JAKMIP1: variants seen among roughly 807,000 people sequenced by gnomAD.
JAKMIP1 encodes janus kinase and microtubule interacting protein 1.
In JAKMIP1, 33 loss-of-function variants were observed where a neutral mutation model predicts 113.0. The ratio of observed to expected loss-of-function variants is 0.29; its 90% CI spans 0.22 to 0.39. JAKMIP1 has a LOEUF of 0.39. Among genes scored for constraint, JAKMIP1 ranks in the 10% least tolerant of loss-of-function variants. JAKMIP1 has a pLI of 1.00. For missense variants in JAKMIP1, 813 were observed against 1,080.5 expected (o/e 0.75, Z 3.47); for synonymous variants, 480 against 459.9 (o/e 1.04, Z -0.56).
intron 1 of JAKMIP1, among the ~76,000 whole-genome samples, chr4:6,123,817 C>A (rs78713914): frequency 6.6e-6 from 1 of 152,154 alleles, no homozygotes; most frequent in African/African-American, 2.4e-5. Flanking sequence ...CAGTGACACC[C>A]TGTCCCTAAA....
rs1383376856 is a variant in JAKMIP1 at position 6,076,164 on chromosome 4, G to A, written c.1302+2775C>T. On this transcript the variant is annotated intron_variant, in intron 8 of 20. Transcript: ENST00000409021. This position sits in a 1 kb window ranked among gnomAD's most constrained non-coding sequence, Gnocchi z 4.8. ...GCACTCCAGCCCAGGCAACAAGAGC[G>A]AAACTCCATCTCAAAAAAAATTAGT... 2.0e-5 allele frequency among the ~76,000 whole-genome samples: 3 copies of A among 151,966 alleles called. No individual in the cohort carries two copies. The highest frequency in any genetic ancestry group is 2.4e-5 in the African/African-American group (1 of 41,384).
chr4:6,078,874 C>A, intron 8 of JAKMIP1, 65 bp downstream of exon 8: 1 of 1,538,844 alleles, frequency 6.5e-7, no homozygotes, highest in East Asian at 2.2e-5. Flanking sequence ...CACTCCACGA[C>A]CCATCTGCCC....
Position 6,050,694 on chromosome 4 carries a change from C to G in JAKMIP1, c.1807-15G>C, listed in dbSNP as rs759171820. On this transcript the variant is annotated splice_polypyrimidine_tract_variant and intron_variant, in intron 13 of 20. Coordinates refer to ENST00000409021, the MANE Select transcript of JAKMIP1 (RefSeq NM_001099433.2). This position sits in a 1 kb window ranked among gnomAD's most constrained non-coding sequence, Gnocchi z 7.4. ...CTCTCTCTCTCCTGGGGAAAAGATT[C>G]GGTTTAAAAACAGAATGTGACCGGA... 5 of 1,541,176 alleles carry G rather than the reference C, an allele frequency of 3.2e-6. No homozygotes were observed. The highest frequency in any genetic ancestry group is 4.4e-6 in the Non-Finnish European group (5 of 1,137,264).
chr4:6,030,908 C>T (rs1369919808), intron 19 of JAKMIP1, among the ~76,000 whole-genome samples: 1 of 152,192 alleles, frequency 6.6e-6, no homozygotes, highest in Admixed American at 6.5e-5. Context: ...GAAAGTTGCA[C>T]TCCAGCATGC....
At chr4:6,028,990 C>T (rs527513465) in intron 20 of JAKMIP1, among the ~76,000 whole-genome samples, 1 of 152,342 alleles carries the variant, frequency 6.6e-6, no homozygotes, top group South Asian at 2.1e-4. Context: ...GGACTCACAG[C>T]CATCCGGTGG....
At chr4:6,119,063 G>A (rs866491151) in intron 1 of JAKMIP1, among the ~76,000 whole-genome samples, 1 of 152,148 alleles carries the variant, frequency 6.6e-6, no homozygotes, top group Non-Finnish European at 1.5e-5. Flanking sequence ...CAGGACAGCC[G>A]ACAGCCACCC....
intron 18 of JAKMIP1, among the ~76,000 whole-genome samples, chr4:6,037,818 G>A (rs1237133767): frequency 2.9e-4 from 34 of 118,546 alleles, no homozygotes; most frequent in South Asian, 2.2e-3. Flanking sequence ...GAGGCTAACC[G>A]GTAGCCCTCC....
At chr4:6,062,287 G>A (rs202157977) in intron 10 of JAKMIP1, 25 bp downstream of exon 10, 142 of 1,611,038 alleles carry the variant, frequency 8.8e-5, no homozygotes, top group Non-Finnish European at 1.1e-4. Flanking sequence ...CCCCTCCCTC[G>A]AGCCCTGAGG....
chr4:6,117,091 TC>T (rs1419189226), intron 1 of JAKMIP1, among the ~76,000 whole-genome samples: 1 of 152,128 alleles, frequency 6.6e-6, no homozygotes, highest in Non-Finnish European at 1.5e-5. Flanking sequence ...ACAGCACAGC[TC>T]GTGTGCCCGT....
intron 1 of JAKMIP1, among the ~76,000 whole-genome samples, chr4:6,115,659 A>G (rs1040826332): frequency 6.6e-6 from 1 of 152,214 alleles, no homozygotes; most frequent in African/African-American, 2.4e-5. Flanking sequence ...GGTAAGTACA[A>G]TGTTCTACTT....
Position 6,193,980 on chromosome 4 carries a change from G to C in JAKMIP1, c.-148+6273C>G, listed in dbSNP as rs1302675897. Among the ~76,000 whole-genome samples the C allele has an allele frequency of 2.6e-5, 4 of 152,160 alleles. No individual in the cohort carries two copies. The highest frequency in any genetic ancestry group is 7.2e-5 in the African/African-American group (3 of 41,434). On this transcript the variant is annotated intron_variant, in intron 1 of 20. Transcript: ENST00000409021. The surrounding 1 kb of genome is among the most constrained non-coding windows in gnomAD (Gnocchi z 6.4). Reference sequence around the variant, plus strand: ...CCGCCATGAAGAAGAAGGAAGCAATGACACTTGATGACACTTGCTATAACA... The same window carrying C: ...CCGCCATGAAGAAGAAGGAAGCAATCACACTTGATGACACTTGCTATAACA...
intron 3 of JAKMIP1, among the ~76,000 whole-genome samples, chr4:6,103,715 A>G (rs1578241793): frequency 6.6e-6 from 1 of 152,230 alleles, no homozygotes; most frequent in South Asian, 2.1e-4. Context: ...TATTTGTTTC[A>G]TGTCAGTTTT....
rs1292877192 is a variant in JAKMIP1, at chr4:6,137,143, C to A, written c.-147-24146G>T. On this transcript the variant is annotated intron_variant, in intron 1 of 20. Transcript: ENST00000409021. The surrounding 1 kb of genome is among the most constrained non-coding windows in gnomAD (Gnocchi z 4.5). ...CCCTCCCTATTTTCATGGTAAGGTGCTGCATGCTCCCTTGCCTTGCAGAGC... is the reference window on the plus strand; with the variant it reads ...CCCTCCCTATTTTCATGGTAAGGTGATGCATGCTCCCTTGCCTTGCAGAGC... Among the ~76,000 whole-genome samples the A allele has an allele frequency of 1.3e-5, 2 of 152,164 alleles. No individual in the cohort carries two copies. The highest frequency in any genetic ancestry group is 4.8e-5 in the African/African-American group (2 of 41,436).
intron 8 of JAKMIP1, among the ~76,000 whole-genome samples, chr4:6,078,439 C>T (rs925862261): frequency 2.1e-5 from 3 of 144,532 alleles, no homozygotes; most frequent in Non-Finnish European, 1.5e-5. Context: ...CCAGTGCGCT[C>T]TTTACATTCC....
chr4:6,070,662 C>T (rs1403955283), intron 8 of JAKMIP1, among the ~76,000 whole-genome samples: 1 of 152,234 alleles, frequency 6.6e-6, no homozygotes, highest in Non-Finnish European at 1.5e-5. Context: ...TAGATTCTCC[C>T]TCAGGACCCA....
intron 1 of JAKMIP1, among the ~76,000 whole-genome samples, chr4:6,120,180 C>CT (rs11370537): frequency 0.61 from 89,872 of 146,584 alleles, 27,892 homozygotes; most frequent in Middle Eastern, 0.75. Context: ...TCTAGCCACA[C>CT]TTTTTTTTTT....
At position 6,067,749 on chromosome 4, in the gene JAKMIP1, C is replaced by T. The variant is rs1051987774; in HGVS notation, c.1303-2741G>A. Among the ~76,000 whole-genome samples the T allele has an allele frequency of 2.7e-5, 4 of 148,208 alleles. No homozygotes were observed. Among genetic ancestry groups the T allele is most frequent in the African/African-American group, 5.1e-5 (2 of 39,320 alleles). On this transcript the variant is annotated intron_variant, in intron 8 of 20. Transcript: ENST00000409021. The surrounding 1 kb of genome is among the most constrained non-coding windows in gnomAD (Gnocchi z 4.6). ...ACGTTCACTCAAGCTCTTCTGCACA[C>T]GCAGGTCACCCCCCTGAGCTCCACG... is the stretch of plus-strand genomic sequence containing the variant.
chr4:6,130,810 G>A (rs758441854), intron 1 of JAKMIP1, among the ~76,000 whole-genome samples: 4 of 151,858 alleles, frequency 2.6e-5, no homozygotes, highest in Non-Finnish European at 4.4e-5. Context: ...TTCAACATAC[G>A]TCAATAGAAT....
intron 8 of JAKMIP1, among the ~76,000 whole-genome samples, chr4:6,075,427 C>G (rs946600195): frequency 9.2e-5 from 14 of 152,196 alleles, no homozygotes; most frequent in African/African-American, 3.4e-4. Context: ...CAATCCAGCC[C>G]TGCACAATGC....
Sources: gnomAD v4.1 joint callset for allele counts (sites outside exome capture counted in the v4.1 genomes callset) on GRCh38, gnomAD v4.1.1 for gene constraint, Gnocchi (gnomAD v3.1) non-coding constraint, MANE v1.5 for transcripts, NCBI Gene and HGNC (gene_info 2026-07-23, HGNC 2026-07-21) for gene names.